Variants in AP4E1 observed in about 807,000 individuals in gnomAD.
AP4E1 encodes AP-4 complex subunit epsilon-1.
A neutral mutation model predicts 128.2 loss-of-function variants in AP4E1; 56 were observed. The observed-to-expected ratio is 0.44, with a 90% CI of 0.35 to 0.55. The LOEUF (loss-of-function observed/expected upper bound fraction) is 0.55. Among genes scored for constraint, AP4E1 ranks in the 20% least tolerant of loss-of-function variants. AP4E1 has a pLI of 0.00. For synonymous variants in AP4E1, 484 were observed against 473.1 expected (o/e 1.02, Z -0.30); for missense variants, 1,324 against 1,307.7 (o/e 1.01, Z -0.19).
Position 51,001,131 on chromosome 15 carries a change from T to C in AP4E1, c.3201T>C (p.Ser1067=). ...KMSESQAALP[S]ALKTLQQKLR... ...CAGAATCTCAAGCTGCACTTCCTTC[T>C]GCACTAAAGACTCTGCAACAGAAAC... Residue 1067 remains serine, a synonymous_variant, in exon 20 of 21, where the codon TCT becomes TCC. Coordinates refer to ENST00000261842, the MANE Select transcript of AP4E1 (RefSeq NM_007347.5). The C allele has an allele frequency of 6.2e-7, 1 of 1,613,728 alleles. No individual in the cohort carries two copies. The highest frequency in any genetic ancestry group is 8.5e-7 in the Non-Finnish European group (1 of 1,179,762).
At chr15:50,978,152 G>A (rs1446551554) in intron 15 of AP4E1, among the ~76,000 whole-genome samples, 1 of 152,040 alleles carries the variant, frequency 6.6e-6, no homozygotes, top group Non-Finnish European at 1.5e-5. Flanking sequence ...CTAAGAATTA[G>A]CAAAAATAGG....
At chr15:50,951,726 CTTT>C (rs71127166) in intron 13 of AP4E1, among the ~76,000 whole-genome samples, 1 of 126,018 alleles carries the variant, frequency 7.9e-6, no homozygotes, top group Non-Finnish European at 1.7e-5. Flanking sequence ...AATTTTCTTT[CTTT>C]TTTTTTTTTT....
chr15:50,934,909 T>C (rs1264266628), intron 8 of AP4E1, among the ~76,000 whole-genome samples: 1 of 152,076 alleles, frequency 6.6e-6, no homozygotes, highest in African/African-American at 2.4e-5. Context: ...TTGACCTAAG[T>C]TTATTATTAT....
In AP4E1 at chr15:50,908,762, C is replaced by T. The variant is rs1289744194; in HGVS notation, c.-17C>T. The T allele has an allele frequency of 1.3e-6, 2 of 1,519,598 alleles. No homozygotes were observed. The highest frequency in any genetic ancestry group is 1.8e-4 in the Middle Eastern group (1 of 5,552). 94.1% of individuals were successfully genotyped at this position (1,519,598 alleles called of 1,614,324 possible). A position where few individuals can be genotyped will look rare whatever the true frequency, so the allele number is the denominator to read the frequency against. On this transcript the variant is annotated 5_prime_UTR_variant, in exon 1 of 21. Coordinates refer to ENST00000261842, the MANE Select transcript of AP4E1 (RefSeq NM_007347.5). ...ACGGGATCGCGGGCGGCGGCGGCATCGCGGGCGGCGGCGGCGATGAGCGAC... is the reference window on the plus strand; with the variant it reads ...ACGGGATCGCGGGCGGCGGCGGCATTGCGGGCGGCGGCGGCGATGAGCGAC...
chr15:50,941,714 T>G lies in AP4E1; in HGVS notation c.1115T>G (p.Leu372Arg). 1 of 1,613,666 alleles carries G rather than the reference T, an allele frequency of 6.2e-7. No individual in the cohort carries two copies. The highest frequency in any genetic ancestry group is 8.5e-7 in the Non-Finnish European group (1 of 1,179,688). Residue 372 changes from leucine to arginine, a missense_variant, in exon 10 of 21, where the codon CTT becomes CGT. Coordinates refer to ENST00000261842, the MANE Select transcript of AP4E1 (RefSeq NM_007347.5). Reference protein sequence around the residue: ...YVIQQDPTLALQHQMTIIECL... With the variant: ...YVIQQDPTLARQHQMTIIECL... ...ATCCAACAGGATCCTACTCTGGCTC[T>G]TCAACACCAGATGACAATAATTGAA...
intron 8 of AP4E1, among the ~76,000 whole-genome samples, chr15:50,936,586 A>T (rs1596469579): frequency 6.6e-6 from 1 of 152,194 alleles, no homozygotes; most frequent in Non-Finnish European, 1.5e-5. Flanking sequence ...TTTGATTTGG[A>T]GAATACTGTA....
intron 14 of AP4E1, among the ~76,000 whole-genome samples, chr15:50,964,825 G>A (rs534768563): frequency 2.0e-4 from 31 of 152,148 alleles, no homozygotes; most frequent in Non-Finnish European, 3.4e-4. Flanking sequence ...AATCCCCAGC[G>A]TTGGAGGTAG....
chr15:50,912,968 C>G (rs530869905), intron 2 of AP4E1, among the ~76,000 whole-genome samples: 63 of 152,084 alleles, frequency 4.1e-4, no homozygotes, highest in Non-Finnish European at 7.2e-4. Context: ...CGTGCCTGGC[C>G]TGATTTTTTT....
upstream of AP4E1, among the ~76,000 whole-genome samples, chr15:50,907,552 A>C (rs547785966): frequency 9.2e-5 from 14 of 152,182 alleles, no homozygotes; most frequent in African/African-American, 3.4e-4. Context: ...CTAGAAACAC[A>C]CTAGGAGTAC....
Position 51,002,657 on chromosome 15 carries a change from T to G in AP4E1, c.3409T>G (p.Ser1137Ala). Residue 1137 changes from serine (S) to alanine (A), a missense_variant, in exon 21 of 21, where the codon TCC becomes GCC. Transcript: ENST00000261842. ...TCAGTGTCAAAAGGTGATGGAGGGA[T>G]CCTAGCAGAAGCCCTGCTAAATTTT... Reference protein sequence around the residue: ...LYQCQKVMEGS With the variant: ...LYQCQKVMEGA 6.2e-7 allele frequency: 1 copy of G among 1,614,042 alleles called. No individual in the cohort carries two copies. The highest frequency in any genetic ancestry group is 2.2e-5 in the East Asian group (1 of 44,870).
At chr15:50,960,282 A>G (rs900216267) in intron 14 of AP4E1, among the ~76,000 whole-genome samples, 1 of 152,168 alleles carries the variant, frequency 6.6e-6, no homozygotes, top group African/African-American at 2.4e-5. Context: ...GACCTAACAG[A>G]TATTTACAGA....
chr15:50,909,681 A>C (rs1368951105), intron 1 of AP4E1, among the ~76,000 whole-genome samples: 2 of 151,802 alleles, frequency 1.3e-5, no homozygotes, highest in African/African-American at 4.8e-5. Context: ...TAAGGTTTTA[A>C]AAATTTTAAT....
chr15:50,973,368 CT>C (rs1296951681), intron 15 of AP4E1, among the ~76,000 whole-genome samples: 1 of 152,072 alleles, frequency 6.6e-6, no homozygotes, highest in Non-Finnish European at 1.5e-5. Context: ...AGCATTTGCT[CT>C]TTTTTGCCTT....
rs192483296 is a variant in AP4E1, at chr15:50,960,720, G to A, written c.1851+1926G>A. On this transcript the variant is annotated intron_variant, in intron 14 of 20. Coordinates refer to ENST00000261842, the MANE Select transcript of AP4E1 (RefSeq NM_007347.5). ...AACAACCTTATGATGCACCTCAAGC[G>A]ACTAGAAAGGAAGAACAAACCAAAC... Among the ~76,000 whole-genome samples, 12 of 151,514 alleles carry A rather than the reference G, an allele frequency of 7.9e-5. No individual in the cohort carries two copies. The East Asian group carries it at 1.2e-3, about 15-fold the overall frequency.
chr15:50,994,822 T>C (rs1009118386), intron 17 of AP4E1, among the ~76,000 whole-genome samples: 6 of 152,206 alleles, frequency 3.9e-5, no homozygotes, highest in Non-Finnish European at 7.3e-5. Flanking sequence ...GATTTTTTCC[T>C]TAGGAGAACA....
In AP4E1 at chr15:50,984,881, A is replaced by C. The variant is rs574607607; in HGVS notation, c.2090+736A>C. ...AGTTCTAGATCCTTGAGGAATCACCACACTGTCTTCCACAATGGTTGAACT... is the reference window on the plus strand; with the variant it reads ...AGTTCTAGATCCTTGAGGAATCACCCCACTGTCTTCCACAATGGTTGAACT... On this transcript the variant is annotated intron_variant, in intron 16 of 20. Coordinates refer to ENST00000261842, the MANE Select transcript of AP4E1 (RefSeq NM_007347.5). Among the ~76,000 whole-genome samples, 743 of 152,178 alleles carry C rather than the reference A, an allele frequency of 4.9e-3. 9 individuals are homozygous for C. The highest frequency in any genetic ancestry group is 0.017 in the African/African-American group (718 of 41,506).
rs1024916938 is a variant in AP4E1, at chr15:50,924,059, A to G, written c.420+55A>G. 4.3e-6 allele frequency: 6 copies of G among 1,406,102 alleles called. No individual in the cohort carries two copies. In the African/African-American group the frequency reaches 7.1e-5, roughly 17 times the overall value. 87.1% of individuals were successfully genotyped at this position (1,406,102 alleles called of 1,614,324 possible). On this transcript the variant is annotated intron_variant, in intron 4 of 20. Transcript: ENST00000261842. ...GTCATAATTCTTGTCAGCACCTGAT[A>G]TTTCTCCTCGATCATATTCAACTAG...
intron 15 of AP4E1, among the ~76,000 whole-genome samples, chr15:50,970,225 T>C (rs1434127927): frequency 6.6e-6 from 1 of 152,226 alleles, no homozygotes; most frequent in Non-Finnish European, 1.5e-5. Flanking sequence ...TTTCACTTAA[T>C]ATAATGTCCT....
chr15:50,946,074 G>A, intron 10 of AP4E1: 1 of 649,086 alleles, frequency 1.5e-6, no homozygotes, highest in Admixed American at 3.1e-5. Flanking sequence ...TAAAGTGCTG[G>A]GACTAGATTA....
Sources: allele counts gnomAD v4.1 joint callset (sites outside exome capture counted in the v4.1 genomes callset), GRCh38; gene constraint gnomAD v4.1.1; transcripts MANE v1.5; gene names NCBI Gene and HGNC (gene_info 2026-07-23, HGNC 2026-07-21).